TRIQK: variants seen among roughly 807,000 people sequenced by gnomAD.
TRIQK encodes the protein triple QxxK/R motif containing.
In TRIQK, 10 loss-of-function variants were observed where a neutral mutation model predicts 10.8. The observed-to-expected ratio is 0.92, with a 90% CI of 0.57 to 1.57. The LOEUF (loss-of-function observed/expected upper bound fraction) is 1.57. Ranked by LOEUF, TRIQK falls within the 40% of genes most tolerant of loss-of-function variation. The pLI is 0.00. For missense variants in TRIQK, 107 were observed against 97.7 expected, an observed-to-expected ratio of 1.09 and a Z score of -0.40; for synonymous variants, 33 against 33.7, an observed-to-expected ratio of 0.98 and a Z score of 0.07.
chr8:93,014,382 T>TG (rs1813363891), intron 1 of TRIQK, among the ~76,000 whole-genome samples: 1 of 152,116 alleles, frequency 6.6e-6, no homozygotes, highest in Non-Finnish European at 1.5e-5. Flanking sequence ...TTTTTCATTC[T>TG]GGCCATTTTG....
At chr8:92,898,545 TA>T (rs1808729369) in intron 3 of TRIQK, among the ~76,000 whole-genome samples, 1 of 152,066 alleles carries the variant, frequency 6.6e-6, no homozygotes. Flanking sequence ...TGGCTTTATA[TA>T]AAAGCAGATT....
intron 3 of TRIQK, among the ~76,000 whole-genome samples, chr8:92,896,601 C>T (rs1808612073): frequency 6.6e-6 from 1 of 152,124 alleles, no homozygotes; most frequent in African/African-American, 2.4e-5. Context: ...GGGAGGGTTG[C>T]CTGAGGCCTT....
At chr8:92,984,329 A>G (rs1167421032) in intron 1 of TRIQK, among the ~76,000 whole-genome samples, 2 of 151,982 alleles carry the variant, frequency 1.3e-5, no homozygotes, top group African/African-American at 4.8e-5. Flanking sequence ...ATATAAAAAC[A>G]GTATGAAGTC....
intron 1 of TRIQK, among the ~76,000 whole-genome samples, chr8:92,980,099 T>C (rs1336288052): frequency 6.6e-6 from 1 of 152,070 alleles, no homozygotes; most frequent in Non-Finnish European, 1.5e-5. Context: ...TCTGGTACTT[T>C]ATTAAGTTAA....
chr8:92,910,890 C>T (rs1809533691), intron 3 of TRIQK, among the ~76,000 whole-genome samples: 1 of 151,178 alleles, frequency 6.6e-6, no homozygotes, highest in African/African-American at 2.4e-5. Flanking sequence ...TTTTAATTCT[C>T]ATTTTTCACT....
In TRIQK at chr8:92,885,026, G is replaced by T. The variant is rs749450819; in HGVS notation, c.*1596C>A. Reference sequence around the variant, plus strand: ...AATGCCACTTGGATTGGTCCGCTGTGGTGAGTATATAAGAACTCTTGGTCT... The same window carrying T: ...AATGCCACTTGGATTGGTCCGCTGTTGTGAGTATATAAGAACTCTTGGTCT... On this transcript the variant is annotated 3_prime_UTR_variant, in exon 5 of 5. Coordinates refer to ENST00000521988, the MANE Select transcript of TRIQK (RefSeq NM_001171797.2). The T allele has an allele frequency of 2.2e-6, 1 of 455,880 alleles. No individual in the cohort carries two copies. Among genetic ancestry groups the T allele is most frequent in the African/African-American group, 2.0e-5 (1 of 49,942 alleles). The allele number at this position is 455,880 out of a possible 1,614,324, so 28.2% of individuals were successfully genotyped here.
intron 1 of TRIQK, chr8:92,960,361 C>G (rs920981962): frequency 6.6e-6 from 1 of 152,156 alleles, no homozygotes; most frequent in South Asian, 2.1e-4. Context: ...TCTACACCGA[C>G]TAAACTTTGT....
Position 92,992,442 on chromosome 8 carries a change from G to C in TRIQK, c.-181+25167C>G, listed in dbSNP as rs553739659. 2.0e-3 allele frequency among the ~76,000 whole-genome samples: 311 copies of C among 152,344 alleles called. 1 individual carries two copies. The highest frequency in any genetic ancestry group is 0.017 in the Middle Eastern group (5 of 294). The stretch of plus-strand genomic sequence containing the variant: ...GCCAGGCAAAGGTGCAATAGCACCA[G>C]TAGGGGTGAGAGACAAAGGTCATCT... On this transcript the variant is annotated intron_variant, in intron 1 of 4. Coordinates refer to the TRIQK transcript ENST00000520686.
chr8:92,930,382 T>C (rs1162947386), intron 2 of TRIQK, among the ~76,000 whole-genome samples: 3 of 87,212 alleles, frequency 3.4e-5, no homozygotes, highest in Non-Finnish European at 6.0e-5. Context: ...AAAGCGAGAC[T>C]AGGTCTCCAA....
intron 1 of TRIQK, among the ~76,000 whole-genome samples, chr8:92,962,294 C>T (rs991813154): frequency 6.6e-6 from 1 of 152,108 alleles, no homozygotes; most frequent in Non-Finnish European, 1.5e-5. Context: ...AAGACATTAA[C>T]ACTTTGAGTC....
chr8:92,923,893 T>C (rs1432182674), intron 2 of TRIQK, among the ~76,000 whole-genome samples: 1 of 151,812 alleles, frequency 6.6e-6, no homozygotes, highest in African/African-American at 2.4e-5. Flanking sequence ...TTTTATGAAA[T>C]CCAGAAAGAA....
At chr8:92,978,118 C>T (rs1018619830) in intron 1 of TRIQK, among the ~76,000 whole-genome samples, 1 of 152,056 alleles carries the variant, frequency 6.6e-6, no homozygotes, top group Non-Finnish European at 1.5e-5. Flanking sequence ...CTATCCAGAG[C>T]TCTTACTCTG....
At chr8:92,987,773 A>G (rs1199811767) in intron 1 of TRIQK, among the ~76,000 whole-genome samples, 1 of 152,134 alleles carries the variant, frequency 6.6e-6, no homozygotes, top group East Asian at 1.9e-4. Context: ...ACGTATTAAA[A>G]TCTTGTTTTT....
chr8:92,997,666 GCA>G (rs1003609498), intron 1 of TRIQK, among the ~76,000 whole-genome samples: 7 of 152,044 alleles, frequency 4.6e-5, no homozygotes, highest in African/African-American at 1.7e-4. Flanking sequence ...ACTAGCACCT[GCA>G]CATAGTGCAC....
chr8:92,987,376 C>T (rs1016853515), intron 1 of TRIQK, among the ~76,000 whole-genome samples: 1 of 152,166 alleles, frequency 6.6e-6, no homozygotes, highest in Non-Finnish European at 1.5e-5. Flanking sequence ...TAAAAACCAA[C>T]TAAAAGGAGA....
intron 1 of TRIQK, among the ~76,000 whole-genome samples, chr8:93,012,944 C>T (rs1192402050): frequency 6.6e-6 from 1 of 152,128 alleles, no homozygotes; most frequent in Non-Finnish European, 1.5e-5. Context: ...TTTTCACACG[C>T]ACTCTAGGTG....
chr8:92,910,871 CTT>C (rs1159378380), intron 3 of TRIQK, among the ~76,000 whole-genome samples: 5 of 151,046 alleles, frequency 3.3e-5, no homozygotes, highest in Admixed American at 2.0e-4. Flanking sequence ...AAACTATAGT[CTT>C]GGGGTATTTT....
chr8:92,929,416 TTAATC>T (rs1810599476), intron 2 of TRIQK: 1 of 152,164 alleles, frequency 6.6e-6, no homozygotes, highest in Non-Finnish European at 1.5e-5. Flanking sequence ...ATAGAATTAA[TTAATC>T]TAAACATAAT....
intron 1 of TRIQK, among the ~76,000 whole-genome samples, chr8:92,988,076 G>A (rs1370923445): frequency 1.4e-5 from 2 of 140,596 alleles, no homozygotes; most frequent in Non-Finnish European, 3.0e-5. Context: ...GCGCGATCTC[G>A]GCTCACTGCA....
Sources: gnomAD v4.1 joint callset for allele counts (sites outside exome capture counted in the v4.1 genomes callset) on GRCh38, gnomAD v4.1.1 for gene constraint, MANE v1.5 for transcripts, NCBI Gene and HGNC (gene_info 2026-07-23, HGNC 2026-07-21) for gene names.